Variants in CHRM3 observed in about 807,000 individuals in gnomAD.
CHRM3 encodes muscarinic acetylcholine receptor M3.
Under a neutral mutation model 41.8 loss-of-function variants are expected in CHRM3, and 11 were observed. The observed-to-expected ratio is 0.26, with a 90% CI of 0.17 to 0.44. CHRM3 has a LOEUF of 0.44. Ranked by LOEUF, CHRM3 falls within the 20% of genes least tolerant of loss-of-function variation. CHRM3 has a pLI of 1.00. For missense variants in CHRM3, 571 were observed against 745.4 expected (o/e 0.77, Z 2.72); for synonymous variants, 297 against 301.4 (o/e 0.99, Z 0.15).
At chr1:239,664,701 C>G (rs1212626513) in intron 4 of CHRM3, among the ~76,000 whole-genome samples, 2 of 152,052 alleles carry the variant, frequency 1.3e-5, no homozygotes, top group African/African-American at 4.8e-5. Context: ...TTCTTCTGTC[C>G]TCCCCTATGA....
rs1416527532 is a variant in CHRM3 at position 239,721,781 on chromosome 1, G to A, written c.-147+43493G>A. 2.6e-5 allele frequency among the ~76,000 whole-genome samples: 4 copies of A among 151,832 alleles called. No individual in the cohort carries two copies. In the East Asian group the frequency reaches 7.8e-4, roughly 29 times the overall value. On this transcript the variant is annotated intron_variant, in intron 5 of 6. Coordinates refer to ENST00000676153, the MANE Select transcript of CHRM3 (RefSeq NM_001375978.1). Reference sequence around the variant, plus strand: ...CTATATAATCTGATTCAGATTATATGCACTCGTGTGTATCATAGGCACTCA... The same window carrying A: ...CTATATAATCTGATTCAGATTATATACACTCGTGTGTATCATAGGCACTCA...
intron 4 of CHRM3, among the ~76,000 whole-genome samples, chr1:239,650,965 T>C (rs1672188185): frequency 6.6e-6 from 1 of 152,226 alleles, no homozygotes; most frequent in Non-Finnish European, 1.5e-5. Context: ...TAAATATATG[T>C]AAATTTGTAA....
At chr1:239,862,669 C>T (rs1675735122) in intron 6 of CHRM3, among the ~76,000 whole-genome samples, 1 of 152,092 alleles carries the variant, frequency 6.6e-6, no homozygotes, top group Non-Finnish European at 1.5e-5. Context: ...TATTTAGTAA[C>T]ATGTTTGAAA....
intron 1 of CHRM3, among the ~76,000 whole-genome samples, chr1:239,478,954 G>A (rs556968415): frequency 1.1e-4 from 17 of 152,168 alleles, no homozygotes; most frequent in South Asian, 2.1e-4. Flanking sequence ...AGGCTGAGGC[G>A]GGTAGATCAC....
chr1:239,810,020 T>A (rs1030875358), intron 5 of CHRM3, among the ~76,000 whole-genome samples: 3 of 152,242 alleles, frequency 2.0e-5, no homozygotes, highest in African/African-American at 7.2e-5. Flanking sequence ...ATTCTGCATC[T>A]GCCTTAAGAT....
At chr1:239,752,521 A>G (rs927603735) in intron 5 of CHRM3, among the ~76,000 whole-genome samples, 10 of 152,332 alleles carry the variant, frequency 6.6e-5, no homozygotes, top group South Asian at 4.1e-4. Context: ...CCAGTTCTCA[A>G]TGTTATAGAA....
At position 239,494,514 on chromosome 1, in the gene CHRM3, C is replaced by CT. The variant is rs200699617; in HGVS notation, c.-422+1716dup. On this transcript the variant is annotated intron_variant, in intron 2 of 6. Transcript: ENST00000676153. Reference sequence around the variant, plus strand: ...AGCAAAAATGTGTATATAGTTCAGACTTTTTTTTTACACATGGCTTGCTTT... The same window carrying CT: ...AGCAAAAATGTGTATATAGTTCAGACTTTTTTTTTTACACATGGCTTGCTTT... Among the ~76,000 whole-genome samples, 84 of 151,404 alleles carry CT rather than the reference C, an allele frequency of 5.5e-4. 3 individuals are homozygous for CT. The highest frequency in any genetic ancestry group is 1.9e-3 in the African/African-American group (80 of 41,272).
intron 4 of CHRM3, among the ~76,000 whole-genome samples, chr1:239,666,460 C>G (rs558773645): frequency 6.6e-6 from 1 of 151,972 alleles, no homozygotes; most frequent in South Asian, 2.1e-4. Flanking sequence ...CCAAAGTGCT[C>G]GGATTACAGG....
chr1:239,720,951 G>A (rs185923910), intron 5 of CHRM3, among the ~76,000 whole-genome samples: 121 of 151,918 alleles, frequency 8.0e-4, no homozygotes, highest in African/African-American at 2.7e-3. Context: ...TGCTTAATAT[G>A]TGCTCAACTT....
intron 5 of CHRM3, among the ~76,000 whole-genome samples, chr1:239,800,798 T>A (rs1017297631): frequency 2.0e-5 from 3 of 152,186 alleles, no homozygotes; most frequent in African/African-American, 4.8e-5. Context: ...CTATATTTTT[T>A]AAAATATTTA....
intron 1 of CHRM3, among the ~76,000 whole-genome samples, chr1:239,399,175 A>AT (rs1349924702): frequency 6.6e-6 from 1 of 152,118 alleles, no homozygotes; most frequent in Non-Finnish European, 1.5e-5. Flanking sequence ...AAGGCTTCAG[A>AT]TTTTCAGACA....
At chr1:239,655,456 G>A (rs1237748342) in intron 4 of CHRM3, among the ~76,000 whole-genome samples, 1 of 152,154 alleles carries the variant, frequency 6.6e-6, no homozygotes, top group Non-Finnish European at 1.5e-5. Flanking sequence ...CTGTCGAATG[G>A]GAGATAATCT....
At chr1:239,657,779 G>A (rs1672844582) in intron 4 of CHRM3, among the ~76,000 whole-genome samples, 2 of 152,106 alleles carry the variant, frequency 1.3e-5, no homozygotes, top group African/African-American at 4.8e-5. Flanking sequence ...TGCCCTTTAT[G>A]ACTTAGCAAA....
At chr1:239,888,787 T>TTAA in intron 6 of CHRM3, among the ~76,000 whole-genome samples, 1 of 152,174 alleles carries the variant, frequency 6.6e-6, no homozygotes, top group South Asian at 2.1e-4. Flanking sequence ...TTGGCCAGTG[T>TTAA]TAAGGGAAGG....
chr1:239,760,907 T>A (rs1666708759), intron 5 of CHRM3, among the ~76,000 whole-genome samples: 1 of 152,226 alleles, frequency 6.6e-6, no homozygotes, highest in East Asian at 1.9e-4. Context: ...GCGCTTGTCG[T>A]TTCCATCAGA....
chr1:239,874,327 A>ATATATATATT (rs1676933248), intron 6 of CHRM3, among the ~76,000 whole-genome samples: 1 of 124,550 alleles, frequency 8.0e-6, no homozygotes, highest in Non-Finnish European at 1.7e-5. Flanking sequence ...ATATATATAT[A>ATATATATATT]CACAGTTGAC....
At chr1:239,900,416 A>G (rs1379888316) in intron 6 of CHRM3, among the ~76,000 whole-genome samples, 1 of 141,136 alleles carries the variant, frequency 7.1e-6, no homozygotes, top group Non-Finnish European at 1.5e-5. Flanking sequence ...TGACCGGCTG[A>G]TCACTTTCTC....
At chr1:239,509,235 T>C (rs1035555917) in intron 2 of CHRM3, among the ~76,000 whole-genome samples, 2 of 152,202 alleles carry the variant, frequency 1.3e-5, no homozygotes, top group Admixed American at 6.5e-5. Context: ...TTGAGAAGTA[T>C]TTATTCTTGT....
At chr1:239,739,087 T>TAGA (rs1664628382) in intron 5 of CHRM3, among the ~76,000 whole-genome samples, 1 of 152,168 alleles carries the variant, frequency 6.6e-6, no homozygotes, top group African/African-American at 2.4e-5. Flanking sequence ...AGATTCTATC[T>TAGA]TGGGACATGA....
Sources: allele counts gnomAD v4.1 joint callset (sites outside exome capture counted in the v4.1 genomes callset), GRCh38; gene constraint gnomAD v4.1.1; transcripts MANE v1.5; gene names NCBI Gene and HGNC (gene_info 2026-07-23, HGNC 2026-07-21).